Variants in TM4SF4 observed in about 807,000 individuals in gnomAD.
TM4SF4 encodes the protein transmembrane 4 L6 family member 4.
In TM4SF4, 24 loss-of-function variants were observed where a neutral mutation model predicts 24.1. The observed-to-expected ratio is 1.00, with a 90% confidence interval of 0.72 to 1.40. The LOEUF is 1.40. TM4SF4 is among the 40% of genes most tolerant of loss of function. The pLI is 0.00. For synonymous variants in TM4SF4, 113 were observed against 97.0 expected (o/e 1.17, Z -0.97); for missense variants, 254 against 254.2 (o/e 1.00, Z 0.01).
intron 3 of TM4SF4, among the ~76,000 whole-genome samples, chr3:149,497,014 A>G (rs112262095): frequency 6.6e-6 from 1 of 152,108 alleles, no homozygotes; most frequent in Non-Finnish European, 1.5e-5. Flanking sequence ...CTATTTTTTT[A>G]AAAAAAGAGA....
intron 3 of TM4SF4, among the ~76,000 whole-genome samples, chr3:149,489,160 T>C (rs1734168468): frequency 6.6e-6 from 1 of 152,314 alleles, no homozygotes; most frequent in East Asian, 1.9e-4. Context: ...AGAGGACTGT[T>C]GGGGCTACAC....
chr3:149,501,503 G>A (rs1263957351), intron 4 of TM4SF4, among the ~76,000 whole-genome samples: 5 of 152,162 alleles, frequency 3.3e-5, no homozygotes, highest in Non-Finnish European at 5.9e-5. Flanking sequence ...CTCTGTTTCT[G>A]GACTCTTGGA....
Position 149,483,217 on chromosome 3 carries a change from G to A in TM4SF4, c.265-4402G>A, listed in dbSNP as rs369554066. 5.4e-4 allele frequency among the ~76,000 whole-genome samples: 82 copies of A among 152,256 alleles called. 2 individuals carry two copies. The South Asian group carries it at 0.017, about 32-fold the overall frequency. ...TAAGTGTAAGATTTCTCTTGCTCTCGTCCTAGAGTTATACTAGCTGTATCT... is the reference window on the plus strand; with the variant it reads ...TAAGTGTAAGATTTCTCTTGCTCTCATCCTAGAGTTATACTAGCTGTATCT... On this transcript the variant is annotated intron_variant, in intron 2 of 4. Transcript: ENST00000305354.
chr3:149,476,923 T>G (rs776358295), intron 2 of TM4SF4, among the ~76,000 whole-genome samples: 3 of 150,774 alleles, frequency 2.0e-5, no homozygotes, highest in Non-Finnish European at 4.4e-5. Flanking sequence ...ACCTCAGCCT[T>G]CCAAGTAGCT....
chr3:149,480,816 GCTC>G (rs1734020927), intron 2 of TM4SF4, among the ~76,000 whole-genome samples: 1 of 151,750 alleles, frequency 6.6e-6, no homozygotes, highest in Non-Finnish European at 1.5e-5. Flanking sequence ...TTCTCCCTAA[GCTC>G]CTATTTTTAT....
At chr3:149,490,008 A>G (rs1043133398) in intron 3 of TM4SF4, among the ~76,000 whole-genome samples, 1 of 152,104 alleles carries the variant, frequency 6.6e-6, no homozygotes, top group African/African-American at 2.4e-5. Context: ...ACAGGGATGT[A>G]TTACAAAACC....
At chr3:149,491,023 T>C (rs1734201275) in intron 3 of TM4SF4, among the ~76,000 whole-genome samples, 1 of 152,172 alleles carries the variant, frequency 6.6e-6, no homozygotes, top group Non-Finnish European at 1.5e-5. Context: ...CTAAGTGTTT[T>C]TATGTGCATT....
chr3:149,482,947 T>C (rs777916650), intron 2 of TM4SF4, among the ~76,000 whole-genome samples: 1 of 152,210 alleles, frequency 6.6e-6, no homozygotes, highest in Non-Finnish European at 1.5e-5. Flanking sequence ...TTCTAGAGAA[T>C]TTATCATTTT....
chr3:149,485,100 C>T (rs1290742182), intron 2 of TM4SF4, among the ~76,000 whole-genome samples: 1 of 152,160 alleles, frequency 6.6e-6, no homozygotes, highest in African/African-American at 2.4e-5. Context: ...GAAATAAGGA[C>T]TCAACTCTAA....
At chr3:149,484,462 C>A (rs1194332217) in intron 2 of TM4SF4, among the ~76,000 whole-genome samples, 1 of 152,144 alleles carries the variant, frequency 6.6e-6, no homozygotes, top group Non-Finnish European at 1.5e-5. Context: ...TGGCTCACTG[C>A]AACCTCTGCC....
At chr3:149,493,630 C>T (rs1734256556) in intron 3 of TM4SF4, among the ~76,000 whole-genome samples, 2 of 152,238 alleles carry the variant, frequency 1.3e-5, no homozygotes, top group Non-Finnish European at 2.9e-5. Context: ...GAAATGAGAG[C>T]TGCTGCTATT....
chr3:149,492,615 C>T (rs963061290), intron 3 of TM4SF4, among the ~76,000 whole-genome samples: 2 of 151,932 alleles, frequency 1.3e-5, no homozygotes, highest in African/African-American at 2.4e-5. Context: ...CAGGGAGGGA[C>T]GGGGCTATGC....
intron 2 of TM4SF4, among the ~76,000 whole-genome samples, chr3:149,487,341 C>A (rs1022496334): frequency 5.9e-5 from 9 of 152,076 alleles, no homozygotes; most frequent in African/African-American, 2.2e-4. Context: ...GAGAGTTTAT[C>A]TTTAACAAGG....
At chr3:149,479,487 C>T (rs574973935) in intron 2 of TM4SF4, among the ~76,000 whole-genome samples, 3 of 152,044 alleles carry the variant, frequency 2.0e-5, no homozygotes, top group African/African-American at 7.2e-5. Flanking sequence ...GCTGGTGCTA[C>T]AGGTGCTCAC....
At chr3:149,499,626 C>G (rs1305497902) in intron 4 of TM4SF4, among the ~76,000 whole-genome samples, 1 of 152,100 alleles carries the variant, frequency 6.6e-6, no homozygotes, top group East Asian at 1.9e-4. Context: ...GGTTCCCTAA[C>G]TGGGGGATTA....
At chr3:149,496,080 C>A in intron 3 of TM4SF4, 1 of 177,990 alleles carries the variant, frequency 5.6e-6, no homozygotes, top group Non-Finnish European at 1.2e-5. Context: ...CTGTTTGTCT[C>A]ATTTGGCCGT....
At chr3:149,480,150 G>A (rs1734009367) in intron 2 of TM4SF4, among the ~76,000 whole-genome samples, 1 of 151,844 alleles carries the variant, frequency 6.6e-6, no homozygotes, top group South Asian at 2.1e-4. Context: ...ACCCCGGCCT[G>A]GGTTTGTTTT....
At chr3:149,483,408 A>G (rs1236629292) in intron 2 of TM4SF4, among the ~76,000 whole-genome samples, 2 of 152,102 alleles carry the variant, frequency 1.3e-5, no homozygotes, top group Non-Finnish European at 2.9e-5. Context: ...TGAGACCAGG[A>G]GTTCGAGACC....
chr3:149,490,681 C>G (rs929987403), intron 3 of TM4SF4, among the ~76,000 whole-genome samples: 1 of 152,198 alleles, frequency 6.6e-6, no homozygotes, highest in Non-Finnish European at 1.5e-5. Context: ...CTATACAGTA[C>G]TATACTGGTA....
Sources: allele counts gnomAD v4.1 joint callset (sites outside exome capture counted in the v4.1 genomes callset), GRCh38; gene constraint gnomAD v4.1.1; transcripts MANE v1.5; gene names NCBI Gene and HGNC (gene_info 2026-07-23, HGNC 2026-07-21).